DNAH1: variants seen among roughly 807,000 people sequenced by gnomAD.
The protein encoded by DNAH1 is axonemal beta dynein heavy chain 1.
In DNAH1, 327 loss-of-function variants were observed where a neutral mutation model predicts 484.3. That is an observed-to-expected ratio of 0.68 (90% CI 0.62 to 0.74). DNAH1 has a LOEUF of 0.74. Ranked by LOEUF, DNAH1 falls within the 30% of genes least tolerant of loss-of-function variation. The pLI is 0.00. For synonymous variants in DNAH1, 2,192 were observed against 2,191.9 expected, an observed-to-expected ratio of 1.00 and a Z score of 0.00; for missense variants, 5,052 against 5,546.8, an observed-to-expected ratio of 0.91 and a Z score of 2.83.
At position 52,386,795 on chromosome 3, in the gene DNAH1, G is replaced by T; in HGVS notation, c.8945G>T (p.Gly2982Val). The T allele has an allele frequency of 6.3e-7, 1 of 1,592,464 alleles. No homozygotes were observed. Among genetic ancestry groups the T allele is most frequent in the Non-Finnish European group, 8.5e-7 (1 of 1,169,878 alleles). The change falls in exon 56 of 78, where the codon GGC (glycine) becomes GTC (valine). Residue 2982 changes from glycine (G) to valine (V), a missense_variant. By Grantham distance (109) the Gly-to-Val change is moderately radical. This residue lies in a region of DNAH1 where 2,929 missense variants were observed against 3,409.4 expected (regional missense o/e 0.86). Coordinates refer to ENST00000420323, the MANE Select transcript of DNAH1 (RefSeq NM_015512.5). The part of the protein sequence containing the change: ...GTKVDDYWEP[G>V]KGLLQDPGHF... ...AAGGTGGATGACTACTGGGAGCCTG[G>T]CAAGGGGCTGCTGCAGGACCCGGGC...
At chr3:52,374,865 C>G (rs1703514264) in intron 44 of DNAH1, 3 of 1,098,592 alleles carry the variant, frequency 2.7e-6, no homozygotes, top group South Asian at 2.6e-5. Flanking sequence ...AATAGAAAAT[C>G]TAGCCAAAGC....
chr3:52,348,902 C>T lies in DNAH1; in HGVS notation c.2121C>T (p.Asp707=), dbSNP rs767885385. The T allele has an allele frequency of 9.3e-6, 15 of 1,612,964 alleles. No homozygotes were observed. Among genetic ancestry groups the T allele is most frequent in the Non-Finnish European group, 1.3e-5 (15 of 1,179,810 alleles). Residue 707 remains aspartate (D), a synonymous_variant, in exon 13 of 78, where the codon GAC becomes GAT. Transcript: ENST00000420323. ...VPQLEKLVME[D]IFISGDPLLE... ...TCCCTCTGCAGCTGGTGATGGAGGA[C>T]ATCTTCATCAGCGGTGACCCCCTGC...
At chr3:52,366,973 C>A (rs534251481) in intron 36 of DNAH1, 86 bp downstream of exon 36, 1 of 1,480,512 alleles carries the variant, frequency 6.8e-7, no homozygotes, top group Non-Finnish European at 9.1e-7. Context: ...CCTCCATTAG[C>A]CCAGTGGAAG....
rs544039760 is a variant in DNAH1, at chr3:52,395,014, G to A, written c.10923G>A (p.Gln3641=). ...GGGACAAGGTTACCAACGCCATGCA[G>A]GACTTTGTGGCCACCAACCTGGAGC... is the stretch of plus-strand genomic sequence containing the variant. ...LRGDKVTNAM[Q]DFVATNLEPR... Residue 3641 remains glutamine, a synonymous_variant, in exon 68 of 78, where the codon CAG becomes CAA. Transcript: ENST00000420323. The surrounding 1 kb of genome is among the most constrained non-coding windows in gnomAD (Gnocchi z 4.4). The A allele has an allele frequency of 1.5e-4, 237 of 1,611,502 alleles. 3 individuals carry two copies. The South Asian group carries it at 2.5e-3, about 17-fold the overall frequency.
Position 52,327,895 on chromosome 3 carries a change from A to G in DNAH1, c.752A>G (p.Glu251Gly), listed in dbSNP as rs372371202. 1.5e-5 allele frequency: 25 copies of G among 1,613,654 alleles called. 1 individual carries two copies. In the Middle Eastern group the frequency reaches 8.3e-4, roughly 53 times the overall value. ...IYLPLKVFDNEDFDCRTPREW... is the reference protein window; with the variant it reads ...IYLPLKVFDNGDFDCRTPREW... ...GCTTTCTTCCAGGTATTTGACAATG[A>G]GGACTTTGACTGCCGGACTCCCAGA... The change falls in exon 6 of 78, where the codon GAG becomes GGG. Residue 251 changes from glutamate (E) to glycine (G), a missense_variant. Physicochemically the swap from Glu to Gly is moderately conservative, Grantham distance 98. This residue lies in a region of DNAH1 where 1,263 missense variants were observed against 1,218.8 expected (regional missense o/e 1.04). Transcript: ENST00000420323.
chr3:52,373,367 G>C (rs1002128698), intron 44 of DNAH1, among the ~76,000 whole-genome samples: 3 of 152,234 alleles, frequency 2.0e-5, no homozygotes, highest in East Asian at 3.9e-4. Context: ...GGCAGGAAGC[G>C]GCAAGGGCGG....
intron 8 of DNAH1, among the ~76,000 whole-genome samples, chr3:52,342,910 C>T (rs947880648): frequency 1.3e-5 from 2 of 152,168 alleles, no homozygotes; most frequent in African/African-American, 4.8e-5. Context: ...CTGAATAGAA[C>T]AGGTGGTGTT....
rs569771220 is a variant in DNAH1, at chr3:52,389,533, G to A, written c.9568G>A (p.Glu3190Lys). 76 of 1,578,248 alleles carry A rather than the reference G, an allele frequency of 4.8e-5. No homozygotes were observed. Among genetic ancestry groups the A allele is most frequent in the East Asian group, 2.1e-4 (9 of 42,538 alleles). The change falls in exon 60 of 78, where the codon GAG (glutamate) becomes AAG (lysine). Residue 3190 changes from glutamate (E) to lysine (K), a missense_variant. Glu to Lys is a moderately conservative substitution (Grantham distance 56). This residue lies in a region of DNAH1 where 2,929 missense variants were observed against 3,409.4 expected (regional missense o/e 0.86). Coordinates refer to ENST00000420323, the MANE Select transcript of DNAH1 (RefSeq NM_015512.5). ...LRSHNVPHTSEPTLIGTLGNP... is the reference protein window; with the variant it reads ...LRSHNVPHTSKPTLIGTLGNP... ...GAGCCACAATGTCCCACACACCTCC[G>A]AGCCCACGCTAATCGGGACGCTGGG... is the stretch of plus-strand genomic sequence containing the variant.
chr3:52,330,479 C>G (rs964923659), intron 6 of DNAH1, among the ~76,000 whole-genome samples: 1 of 152,198 alleles, frequency 6.6e-6, no homozygotes, highest in African/African-American at 2.4e-5. Context: ...TGTTCCAAGC[C>G]GAGGGCACAG....
chr3:52,331,108 A>T, intron 6 of DNAH1, 40 bp from the exon 7 acceptor site: 2 of 1,552,556 alleles, frequency 1.3e-6, no homozygotes, highest in Non-Finnish European at 8.7e-7. Context: ...TCCTGCCCCC[A>T]TGGCGGGGGG....
chr3:52,335,181 G>A (rs1309714237), intron 8 of DNAH1, among the ~76,000 whole-genome samples: 3 of 120,308 alleles, frequency 2.5e-5, no homozygotes, highest in East Asian at 4.6e-4. Context: ...CTTCTCTCCC[G>A]AGTAGCTGGA....
rs775375435 is a variant in DNAH1 at position 52,368,778 on chromosome 3, G to T, written c.5803G>T (p.Ala1935Ser). ...ATTCTCCTCGTTCATCCGGGCGGGG[G>T]CCATCACCTCCGACACCAACAAGAA... ...GIFSSFIRAG[A>S]ITSDTNKKWY... Residue 1935 changes from alanine (A) to serine (S), a missense_variant, in exon 37 of 78, where the codon GCC becomes TCC. Transcript: ENST00000420323. This position sits in a 1 kb window ranked among gnomAD's most constrained non-coding sequence, Gnocchi z 4.4. 6.2e-7 allele frequency: 1 copy of T among 1,613,948 alleles called. No individual in the cohort carries two copies. The highest frequency in any genetic ancestry group is 1.1e-5 in the South Asian group (1 of 91,078).
In DNAH1 at chr3:52,396,624, G is replaced by C. The variant is rs753739635; in HGVS notation, c.11437G>C (p.Glu3813Gln). 1 of 1,612,336 alleles carries C rather than the reference G, an allele frequency of 6.2e-7. No individual in the cohort carries two copies. Among genetic ancestry groups the C allele is most frequent in the Non-Finnish European group, 8.5e-7 (1 of 1,178,826 alleles). Residue 3813 changes from glutamate to glutamine, a missense_variant, in exon 72 of 78, where the codon GAG becomes CAG. Glu to Gln is a conservative substitution (Grantham distance 29). Transcript: ENST00000420323. ...DFLNSCHKVM[E>Q]FKSLLLSLCL... ...TGCCTCCCACCTCCCCCAGGTGATG[G>C]AGTTCAAGTCTCTGCTGCTGTCTCT...
At position 52,388,515 on chromosome 3, in the gene DNAH1, C is replaced by A; in HGVS notation, c.9269C>A (p.Thr3090Lys). The A allele has an allele frequency of 6.2e-7, 1 of 1,612,952 alleles. No homozygotes were observed. Among genetic ancestry groups the A allele is most frequent in the Non-Finnish European group, 8.5e-7 (1 of 1,179,530 alleles). ...RLREVEDGIA[T>K]MQAKYRECIT... ...CGTGAGGTGGAGGACGGCATCGCCA[C>A]AATGCAGGCTAAGTACCGGGAATGC... The change falls in exon 58 of 78, where the codon ACA (threonine) becomes AAA (lysine). Residue 3090 changes from threonine (T) to lysine (K), a missense_variant. Thr to Lys is a moderately conservative substitution (Grantham distance 78). This residue lies in a region of DNAH1 where 2,929 missense variants were observed against 3,409.4 expected (regional missense o/e 0.86). Coordinates refer to ENST00000420323, the MANE Select transcript of DNAH1 (RefSeq NM_015512.5).
At chr3:52,338,754 G>A (rs1701822815) in intron 8 of DNAH1, among the ~76,000 whole-genome samples, 2 of 152,044 alleles carry the variant, frequency 1.3e-5, no homozygotes, top group Admixed American at 1.3e-4. Flanking sequence ...GGCCGGGCAT[G>A]GTGGTTCACG....
intron 8 of DNAH1, among the ~76,000 whole-genome samples, chr3:52,340,883 A>G (rs1701913142): frequency 6.6e-6 from 1 of 151,044 alleles, no homozygotes; most frequent in Admixed American, 6.6e-5. Context: ...TAATTTACAG[A>G]TAATTTGAAG....
At chr3:52,315,489 G>A (rs1700920359), upstream of DNAH1, among the ~76,000 whole-genome samples, 1 of 152,220 alleles carries the variant, frequency 6.6e-6, no homozygotes, top group Non-Finnish European at 1.5e-5. Context: ...GGAAAGGCAT[G>A]GCCCTGGGCC....
Position 52,326,184 on chromosome 3 carries a change from C to G in DNAH1, c.451C>G (p.Gln151Glu). 1 of 1,612,608 alleles carries G rather than the reference C, an allele frequency of 6.2e-7. No homozygotes were observed. The highest frequency in any genetic ancestry group is 1.3e-5 in the African/African-American group (1 of 75,032). ...TGAAGACTTCCAGGAGCGCATGGAG[C>G]AGCAGTGCATCGGGTCCACCACCCG... ...VPEDFQERME[Q>E]QCIGSTTRLL... Residue 151 changes from glutamine to glutamate, a missense_variant, in exon 4 of 78, where the codon CAG (glutamine) becomes GAG (glutamate). This residue lies in a region of DNAH1 where 1,263 missense variants were observed against 1,218.8 expected (regional missense o/e 1.04). Coordinates refer to ENST00000420323, the MANE Select transcript of DNAH1 (RefSeq NM_015512.5).
chr3:52,357,671 AT>A lies in DNAH1; in HGVS notation c.3918del (p.Leu1307TrpfsTer31). 1 of 1,596,522 alleles carries A rather than the reference AT, an allele frequency of 6.3e-7. No homozygotes were observed. Among genetic ancestry groups the A allele is most frequent in the East Asian group, 2.3e-5 (1 of 44,238 alleles). On this transcript the variant is annotated frameshift_variant, in exon 23 of 78. Coordinates refer to ENST00000420323, the MANE Select transcript of DNAH1 (RefSeq NM_015512.5). LOFTEE classifies it high-confidence loss of function. ...MLDSLRDCNK[I>X]LDLVQKGLSE... ...GGACAGCCTGCGGGACTGCAACAAG[AT>A]TCTGGACCTGGTGCAGAAGGGCCTC...
Sources: allele counts gnomAD v4.1 joint callset (sites outside exome capture counted in the v4.1 genomes callset), GRCh38; gene constraint gnomAD v4.1.1; regional missense constraint gnomAD v4.1.1; non-coding constraint Gnocchi (gnomAD v3.1); transcripts MANE v1.5; gene names NCBI Gene and HGNC (gene_info 2026-07-23, HGNC 2026-07-21).